The following ST6GALNAC5 variants were observed in gnomAD, a reference collection of about 807,000 sequenced individuals.
The protein encoded by ST6GALNAC5 is ST6 N-acetylgalactosaminide alpha-2,6-sialyltransferase 5.
ST6GALNAC5 carries 27 observed loss-of-function variants against 33.6 expected under a neutral mutation model. That is an observed-to-expected ratio of 0.80 (90% confidence interval 0.59 to 1.11). ST6GALNAC5 has a LOEUF of 1.11. Among genes scored for constraint, ST6GALNAC5 ranks in the 50% least tolerant of loss-of-function variants. The pLI is 0.00. For synonymous variants in ST6GALNAC5, 194 were observed against 171.2 expected (o/e 1.13, Z -1.04); for missense variants, 428 against 454.0 (o/e 0.94, Z 0.52).
intron 2 of ST6GALNAC5, among the ~76,000 whole-genome samples, chr1:76,944,265 G>C (rs1362902091): frequency 6.6e-6 from 1 of 152,020 alleles, no homozygotes; most frequent in Non-Finnish European, 1.5e-5. Flanking sequence ...AGAATAGATG[G>C]TTATTATACC....
At chr1:76,877,911 G>A (rs1223762521) in intron 2 of ST6GALNAC5, among the ~76,000 whole-genome samples, 1 of 152,240 alleles carries the variant, frequency 6.6e-6, no homozygotes, top group African/African-American at 2.4e-5. Flanking sequence ...AAAGGCATTT[G>A]CCGAATCAAT....
At chr1:77,016,401 A>G (rs1650855143) in intron 2 of ST6GALNAC5, among the ~76,000 whole-genome samples, 1 of 151,564 alleles carries the variant, frequency 6.6e-6, no homozygotes, top group African/African-American at 2.4e-5. Context: ...CATAATAATT[A>G]CACATATTTA....
At chr1:76,983,939 A>T (rs959450213) in intron 2 of ST6GALNAC5, among the ~76,000 whole-genome samples, 7 of 152,252 alleles carry the variant, frequency 4.6e-5, no homozygotes, top group Admixed American at 1.3e-4. Context: ...TGAAGGCAGA[A>T]ATAAAGATGT....
At chr1:77,004,799 T>G (rs1391579413) in intron 2 of ST6GALNAC5, among the ~76,000 whole-genome samples, 3 of 129,682 alleles carry the variant, frequency 2.3e-5, no homozygotes, top group African/African-American at 5.0e-5. Context: ...CCAGTTAGGC[T>G]GCTCGGGGGT....
intron 2 of ST6GALNAC5, among the ~76,000 whole-genome samples, chr1:77,029,460 T>C (rs1651370070): frequency 6.6e-6 from 1 of 152,200 alleles, no homozygotes; most frequent in Non-Finnish European, 1.5e-5. Flanking sequence ...ATGCCATGTG[T>C]ATCAAGGTGT....
intron 2 of ST6GALNAC5, among the ~76,000 whole-genome samples, chr1:76,940,333 C>G (rs1322133644): frequency 2.6e-5 from 4 of 151,836 alleles, no homozygotes; most frequent in Non-Finnish European, 5.9e-5. Context: ...ATTATTAGGC[C>G]CTGAGGGCTT....
chr1:77,006,768 A>G (rs1157224083), intron 2 of ST6GALNAC5, among the ~76,000 whole-genome samples: 1 of 152,184 alleles, frequency 6.6e-6, no homozygotes, highest in African/African-American at 2.4e-5. Flanking sequence ...TTAGCTCACA[A>G]TTATACTGGG....
chr1:76,924,069 A>G (rs1425068823), intron 2 of ST6GALNAC5, among the ~76,000 whole-genome samples: 1 of 152,100 alleles, frequency 6.6e-6, no homozygotes, highest in East Asian at 1.9e-4. Flanking sequence ...GGTTGTCTTA[A>G]TCTGTGAGTG....
chr1:76,904,170 C>G (rs2100269788), intron 2 of ST6GALNAC5, among the ~76,000 whole-genome samples: 1 of 152,256 alleles, frequency 6.6e-6, no homozygotes, highest in South Asian at 2.1e-4. Flanking sequence ...AGGTCATTTT[C>G]ATGGGAAAAG....
chr1:76,911,900 A>G (rs1378112344), intron 2 of ST6GALNAC5, among the ~76,000 whole-genome samples: 1 of 152,098 alleles, frequency 6.6e-6, no homozygotes, highest in Non-Finnish European at 1.5e-5. Context: ...AATTTTTTGA[A>G]GGGCTTTTTA....
At chr1:76,942,639 G>A (rs1292364536) in intron 2 of ST6GALNAC5, among the ~76,000 whole-genome samples, 1 of 152,068 alleles carries the variant, frequency 6.6e-6, no homozygotes, top group African/African-American at 2.4e-5. Context: ...CTCTGGAGTT[G>A]GTGTTGCCCA....
intron 2 of ST6GALNAC5, among the ~76,000 whole-genome samples, chr1:77,005,781 C>G (rs1650387378): frequency 6.6e-6 from 1 of 152,186 alleles, no homozygotes; most frequent in Non-Finnish European, 1.5e-5. Flanking sequence ...CTGGGTACCT[C>G]ATATACATGA....
At chr1:76,978,273 GT>G (rs375203027) in intron 2 of ST6GALNAC5, among the ~76,000 whole-genome samples, 65 of 152,200 alleles carry the variant, frequency 4.3e-4, no homozygotes, top group African/African-American at 1.5e-3. Context: ...TCTGTAGGTT[GT>G]TTTTTCACTC....
At chr1:76,916,043 G>C (rs1382189066) in intron 2 of ST6GALNAC5, among the ~76,000 whole-genome samples, 1 of 151,410 alleles carries the variant, frequency 6.6e-6, no homozygotes, top group African/African-American at 2.4e-5. Context: ...AAATACTCCT[G>C]TAGAATAGAT....
chr1:77,050,334 G>C lies in ST6GALNAC5; in HGVS notation c.748G>C (p.Val250Leu), dbSNP rs767744956. Residue 250 changes from valine to leucine, a missense_variant, in exon 4 of 5, where the codon GTT becomes CTT. By Grantham distance (32) the Val-to-Leu change is conservative (BLOSUM62 1). Transcript: ENST00000477717. ...ACTGGAGCTCTGTGACAGGATCAAT[G>C]TTTATGGCATGGTGCCCCCAGACTT... ...IALELCDRIN[V>L]YGMVPPDFCR... The C allele has an allele frequency of 1.2e-6, 2 of 1,614,092 alleles. No homozygotes were observed. Among genetic ancestry groups the C allele is most frequent in the Non-Finnish European group, 1.7e-6 (2 of 1,179,934 alleles).
chr1:76,969,181 T>G (rs1648630015), intron 2 of ST6GALNAC5, among the ~76,000 whole-genome samples: 1 of 152,102 alleles, frequency 6.6e-6, no homozygotes, highest in Admixed American at 6.5e-5. Flanking sequence ...ACAGGGGGTG[T>G]AGCCCATGGA....
At chr1:77,037,505 T>C (rs1263674504) in intron 2 of ST6GALNAC5, among the ~76,000 whole-genome samples, 1 of 152,156 alleles carries the variant, frequency 6.6e-6, no homozygotes, top group East Asian at 1.9e-4. Flanking sequence ...TCACACATTA[T>C]ACCCATGTAA....
At chr1:76,885,584 G>A (rs1653874449) in intron 2 of ST6GALNAC5, among the ~76,000 whole-genome samples, 2 of 152,204 alleles carry the variant, frequency 1.3e-5, no homozygotes, top group Admixed American at 1.3e-4. Flanking sequence ...TTAGATCCCA[G>A]TTATAAAGAC....
intron 2 of ST6GALNAC5, among the ~76,000 whole-genome samples, chr1:76,986,713 G>A (rs1465581263): frequency 6.6e-5 from 10 of 152,128 alleles, no homozygotes; most frequent in African/African-American, 2.2e-4. Flanking sequence ...ACATGCACAC[G>A]TATGTTTATT....
Sources: gnomAD v4.1 joint callset for allele counts (sites outside exome capture counted in the v4.1 genomes callset) on GRCh38, gnomAD v4.1.1 for gene constraint, MANE v1.5 for transcripts, NCBI Gene and HGNC (gene_info 2026-07-23, HGNC 2026-07-21) for gene names.